FGF13: variants seen among roughly 807,000 people sequenced by gnomAD.
The protein encoded by FGF13 is fibroblast growth factor homologous factor 2.
Under a neutral mutation model 19.5 loss-of-function variants are expected in FGF13, and 2 were observed. The observed-to-expected ratio is 0.10, with a 90% CI of 0.04 to 0.32. The LOEUF (loss-of-function observed/expected upper bound fraction) is 0.32. Ranked by LOEUF, FGF13 falls within the 10% of genes least tolerant of loss-of-function variation. The pLI, the probability that FGF13 is intolerant of heterozygous loss-of-function variation, is 1.00. For missense variants in FGF13, 113 were observed against 192.7 expected (o/e 0.59, Z 2.45); for synonymous variants, 72 against 76.9 (o/e 0.94, Z 0.33).
chrX:138,707,800 A>G (rs2090006164), intron 2 of FGF13, among the ~76,000 whole-genome samples: 1 of 111,993 alleles, frequency 8.9e-6, no homozygotes, highest in East Asian at 2.8e-4. Flanking sequence ...CAGCCCACGA[A>G]GCATTCCTAA....
At chrX:138,871,102 G>A (rs965860477) in intron 1 of FGF13, among the ~76,000 whole-genome samples, 1 of 112,130 alleles carries the variant, frequency 8.9e-6, no homozygotes, top group East Asian at 2.8e-4. Flanking sequence ...CAAATGAAAT[G>A]TTCAAATCTT....
At chrX:138,718,963 TATC>T (rs200086980) in intron 1 of FGF13, among the ~76,000 whole-genome samples, 1,336 of 112,600 alleles carry the variant, frequency 0.012, 20 homozygotes, top group African/African-American at 0.04. Flanking sequence ...AGGTAGGTAT[TATC>T]ATTATTGCCA....
At chrX:138,978,325 C>G (rs1217213739) in intron 1 of FGF13, among the ~76,000 whole-genome samples, 1 of 94,420 alleles carries the variant, frequency 1.1e-5, no homozygotes, top group Non-Finnish European at 2.0e-5. Context: ...TGCAGTGGCG[C>G]GATCTCGGCT....
intron 1 of FGF13, among the ~76,000 whole-genome samples, chrX:139,188,546 G>A: frequency 9.0e-6 from 1 of 111,614 alleles, no homozygotes; most frequent in East Asian, 2.8e-4. Context: ...GCCACACACA[G>A]CACTTCAGAG....
intron 3 of FGF13, among the ~76,000 whole-genome samples, chrX:138,786,729 G>C (rs1456000675): frequency 8.9e-6 from 1 of 111,970 alleles, no homozygotes; most frequent in Non-Finnish European, 1.9e-5. Context: ...CTCGACTTCA[G>C]GTCCCATGTA....
At chrX:138,846,697 T>A (rs1414294554) in intron 3 of FGF13, among the ~76,000 whole-genome samples, 1 of 112,155 alleles carries the variant, frequency 8.9e-6, no homozygotes, top group Non-Finnish European at 1.9e-5. Flanking sequence ...GTCTCAAGTA[T>A]TTCTTTATAG....
At chrX:138,890,446 T>C (rs4829946) in intron 1 of FGF13, among the ~76,000 whole-genome samples, 25,682 of 110,624 alleles carry the variant, frequency 0.23, 3,028 homozygotes, top group African/African-American at 0.46. Context: ...GTTGCACACA[T>C]TAACAGCAAT....
At position 138,676,398 on chromosome X, in the gene FGF13, G is replaced by A. The variant is rs747959771; in HGVS notation, c.402+26586C>T. On this transcript the variant is annotated intron_variant, in intron 3 of 4. Transcript: ENST00000315930. ...TCAAAGACATGTTAAAACATGAATG[G>A]GATTAATGGACTTGGAAAACCCACT... Among the ~76,000 whole-genome samples, 4 of 110,998 alleles carry A rather than the reference G, an allele frequency of 3.6e-5. No individual in the cohort carries two copies. The South Asian group carries it at 1.5e-3, about 43-fold the overall frequency.
At chrX:138,978,510 C>G (rs922581207) in intron 1 of FGF13, among the ~76,000 whole-genome samples, 1 of 111,023 alleles carries the variant, frequency 9.0e-6, no homozygotes, top group African/African-American at 3.3e-5. Context: ...GATCCGCCCG[C>G]CGCGGCCTCC....
chrX:139,146,074 C>A (rs1188016649), intron 1 of FGF13, among the ~76,000 whole-genome samples: 2 of 111,689 alleles, frequency 1.8e-5, no homozygotes, highest in Non-Finnish European at 3.8e-5. Context: ...GACTTCATGA[C>A]TAAAACACCA....
intron 3 of FGF13, among the ~76,000 whole-genome samples, chrX:138,681,014 A>C (rs1007547675): frequency 9.1e-6 from 1 of 109,425 alleles, no homozygotes; most frequent in African/African-American, 3.3e-5. Flanking sequence ...TCTACTAAAA[A>C]TACAAAAAAA....
chrX:139,065,774 A>G (rs1050098414), intron 1 of FGF13, among the ~76,000 whole-genome samples: 9 of 111,184 alleles, frequency 8.1e-5, no homozygotes, highest in African/African-American at 2.9e-4. Flanking sequence ...GAGACAGAAA[A>G]TTAACAAGGA....
chrX:138,787,379 T>C (rs2090702030), intron 3 of FGF13, among the ~76,000 whole-genome samples: 1 of 111,767 alleles, frequency 8.9e-6, no homozygotes, highest in South Asian at 3.8e-4. Context: ...AAAACAAGCA[T>C]TTATTTCTCA....
chrX:139,052,478 C>A (rs1228031206), intron 1 of FGF13, among the ~76,000 whole-genome samples: 1 of 111,829 alleles, frequency 8.9e-6, no homozygotes, highest in African/African-American at 3.3e-5. Flanking sequence ...AAGTCAGCAG[C>A]AGCCAAATAA....
rs757230149 is a variant in FGF13 at position 139,022,232 on chromosome X, G to A, written c.-112-157582C>T. On this transcript the variant is annotated intron_variant, in intron 1 of 2. Transcript: ENST00000421460. ...TCTAAGATGAGAGAGGAAGAAAAAA[G>A]GGATGTATATGGAAAGAAGCACAGA... 4.5e-4 allele frequency among the ~76,000 whole-genome samples: 50 copies of A among 111,641 alleles called. No individual in the cohort carries two copies. The Admixed American group carries it at 4.6e-3, about 10-fold the overall frequency.
intron 1 of FGF13, among the ~76,000 whole-genome samples, chrX:139,010,478 T>C (rs190815157): frequency 8.9e-6 from 1 of 111,746 alleles, no homozygotes; most frequent in East Asian, 2.8e-4. Context: ...TGGAATAAAA[T>C]TGGAAATCAT....
intron 3 of FGF13, among the ~76,000 whole-genome samples, chrX:138,808,498 T>A (rs200450811): frequency 9.0e-6 from 1 of 111,531 alleles, no homozygotes; most frequent in Non-Finnish European, 1.9e-5. Flanking sequence ...AGGAAAGATC[T>A]AAAATTGACA....
At chrX:139,129,238 T>A (rs1011253896) in intron 1 of FGF13, among the ~76,000 whole-genome samples, 2 of 108,786 alleles carry the variant, frequency 1.8e-5, no homozygotes, top group African/African-American at 6.6e-5. Flanking sequence ...AATGAAATAT[T>A]TAATATAATG....
chrX:139,157,828 T>TAGGAAC (rs2083990700), intron 1 of FGF13, among the ~76,000 whole-genome samples: 1 of 112,384 alleles, frequency 8.9e-6, no homozygotes, highest in Non-Finnish European at 1.9e-5. Context: ...GGTGGCCGAA[T>TAGGAAC]AGGAACAGCT....
Sources: allele counts gnomAD v4.1 joint callset (sites outside exome capture counted in the v4.1 genomes callset), GRCh38; gene constraint gnomAD v4.1.1; transcripts MANE v1.5; gene names NCBI Gene and HGNC (gene_info 2026-07-23, HGNC 2026-07-21).